The following VAC14 variants were observed in gnomAD, a reference collection of about 807,000 sequenced individuals.
The protein encoded by VAC14 is VAC14 component of PIKFYVE complex.
In VAC14, 47 loss-of-function variants were observed where a neutral mutation model predicts 85.3. The observed-to-expected ratio is 0.55, with a 90% CI of 0.44 to 0.70. VAC14 has a LOEUF of 0.70. VAC14 is among the 30% of genes least tolerant of loss of function. VAC14 has a pLI of 0.00. For missense variants in VAC14, 861 were observed against 1,004.3 expected, an observed-to-expected ratio of 0.86 and a Z score of 1.93; for synonymous variants, 447 against 430.5, an observed-to-expected ratio of 1.04 and a Z score of -0.47.
rs2033771042 is a variant in VAC14 at position 70,780,772 on chromosome 16, G to C, written c.1096+18C>G. On this transcript the variant is annotated intron_variant, in intron 9 of 18. Coordinates refer to ENST00000261776, the MANE Select transcript of VAC14 (RefSeq NM_018052.5). Reference sequence around the variant, plus strand: ...GGCCCCCGACAGGAGGTGAGGTGTAGGGACGGAGTCCACTCACCACTGGCT... The same window carrying C: ...GGCCCCCGACAGGAGGTGAGGTGTACGGACGGAGTCCACTCACCACTGGCT... The C allele has an allele frequency of 6.4e-7, 1 of 1,569,644 alleles. No individual in the cohort carries two copies. The highest frequency in any genetic ancestry group is 8.7e-7 in the Non-Finnish European group (1 of 1,155,954).
At chr16:70,705,718 C>T (rs947678683) in intron 14 of VAC14, among the ~76,000 whole-genome samples, 8 of 152,202 alleles carry the variant, frequency 5.3e-5, no homozygotes, top group African/African-American at 1.9e-4. Context: ...GGCCCCGCAA[C>T]GCTGCCCTCC....
In VAC14 at chr16:70,697,369, C is replaced by T. The variant is rs1318722559; in HGVS notation, c.1837-112G>A. The stretch of plus-strand genomic sequence containing the variant: ...GGTCTAAGTCCCAGGGGCCTTCAGT[C>T]GGGGGCAGCCAGAGCCAGCTTAGCA... On this transcript the variant is annotated intron_variant, in intron 15 of 18. Coordinates refer to ENST00000261776, the MANE Select transcript of VAC14 (RefSeq NM_018052.5). 76 of 791,594 alleles carry T rather than the reference C, an allele frequency of 9.6e-5. 1 individual carries two copies. The Admixed American group carries it at 1.3e-3, about 13-fold the overall frequency. The allele number at this position is 791,594 out of a possible 1,614,324, so 49.0% of individuals were successfully genotyped here.
chr16:70,704,026 A>G (rs1289451987), intron 14 of VAC14, among the ~76,000 whole-genome samples: 1 of 152,168 alleles, frequency 6.6e-6, no homozygotes, highest in Non-Finnish European at 1.5e-5. Flanking sequence ...CCTTCGTGTC[A>G]CTGTCCCTCC....
In VAC14 at chr16:70,763,044, G is replaced by T; in HGVS notation, c.1161-19C>A. The T allele has an allele frequency of 6.2e-7, 1 of 1,614,042 alleles. No individual in the cohort carries two copies. Among genetic ancestry groups the T allele is most frequent in the Non-Finnish European group, 8.5e-7 (1 of 1,179,980 alleles). Reference sequence around the variant, plus strand: ...TTCAGTGCTGTGGGTAAGATCGGGAGGGAGAGCAGAGGTGAAGCCCACCAT... The same window carrying T: ...TTCAGTGCTGTGGGTAAGATCGGGATGGAGAGCAGAGGTGAAGCCCACCAT... On this transcript the variant is annotated intron_variant, in intron 10 of 18. Transcript: ENST00000261776.
chr16:70,797,834 TTGCTCC>T (rs2034609120), intron 1 of VAC14, among the ~76,000 whole-genome samples: 1 of 152,216 alleles, frequency 6.6e-6, no homozygotes, highest in African/African-American at 2.4e-5. Flanking sequence ...TCACTCTCTT[TTGCTCC>T]TGCTCCCGCC....
chr16:70,723,930 C>T (rs941722346), intron 14 of VAC14, among the ~76,000 whole-genome samples: 3 of 152,186 alleles, frequency 2.0e-5, no homozygotes, highest in African/African-American at 4.8e-5. Context: ...TGGGGGTGAC[C>T]GCTGATTCAG....
intron 12 of VAC14, among the ~76,000 whole-genome samples, chr16:70,750,671 G>A (rs981116913): frequency 3.9e-5 from 6 of 152,156 alleles, no homozygotes; most frequent in South Asian, 2.1e-4. Context: ...GAGGGTGAGT[G>A]TCTGGGTGGG....
intron 13 of VAC14, among the ~76,000 whole-genome samples, chr16:70,743,700 A>G (rs1468360330): frequency 6.6e-6 from 1 of 152,214 alleles, no homozygotes; most frequent in African/African-American, 2.4e-5. Context: ...TAAATTCCGG[A>G]CACAAAAGCA....
chr16:70,767,253 C>G (rs978212894), intron 10 of VAC14, among the ~76,000 whole-genome samples: 4 of 152,140 alleles, frequency 2.6e-5, no homozygotes, highest in Non-Finnish European at 5.9e-5. Context: ...ATAATAAGTT[C>G]CAGTTGTTCT....
At chr16:70,698,979 G>T (rs1241831777) in intron 14 of VAC14, among the ~76,000 whole-genome samples, 168 bp from the exon 15 acceptor site, 1 of 152,078 alleles carries the variant, frequency 6.6e-6, no homozygotes, top group African/African-American at 2.4e-5. Context: ...GGGCGGGGAA[G>T]GGTGGGGGGA....
intron 14 of VAC14, among the ~76,000 whole-genome samples, chr16:70,709,228 C>T (rs2053980253): frequency 6.6e-6 from 1 of 152,198 alleles, no homozygotes; most frequent in African/African-American, 2.4e-5. Context: ...GCCAAAGACC[C>T]CCTTGGTCAG....
At chr16:70,690,767 G>T in intron 18 of VAC14, 1 of 985,504 alleles carries the variant, frequency 1.0e-6, no homozygotes. Flanking sequence ...GCCCCACCCT[G>T]CAATCTGACC....
chr16:70,791,981 G>A (rs1012423420), intron 1 of VAC14, among the ~76,000 whole-genome samples: 5 of 152,186 alleles, frequency 3.3e-5, no homozygotes. Context: ...CAGGAGCAAA[G>A]GGCACCATTA....
intron 1 of VAC14, among the ~76,000 whole-genome samples, chr16:70,792,582 A>C (rs1351936729): frequency 6.6e-6 from 1 of 152,210 alleles, no homozygotes; most frequent in Non-Finnish European, 1.5e-5. Flanking sequence ...CATTCCCCAG[A>C]AGATACAAGC....
At position 70,704,545 on chromosome 16, in the gene VAC14, T is replaced by C. The variant is rs529511189; in HGVS notation, c.1662-5734A>G. ...AGAAGAGGGGCTGTGCAAACACTGC[T>C]GTCTGAGGGTGCAGCTGGCTGTGGC... On this transcript the variant is annotated intron_variant, in intron 14 of 18. Transcript: ENST00000261776. 3.3e-5 allele frequency among the ~76,000 whole-genome samples: 5 copies of C among 152,322 alleles called. No individual in the cohort carries two copies. The East Asian group carries it at 9.7e-4, about 29-fold the overall frequency.
At chr16:70,694,935 G>A (rs986465422) in intron 17 of VAC14, among the ~76,000 whole-genome samples, 4 of 152,212 alleles carry the variant, frequency 2.6e-5, no homozygotes, top group East Asian at 1.9e-4. Context: ...CAGCAGACCC[G>A]GAGGGGTGGC....
At chr16:70,726,214 A>G (rs995249787) in intron 14 of VAC14, among the ~76,000 whole-genome samples, 3 of 152,246 alleles carry the variant, frequency 2.0e-5, no homozygotes, top group African/African-American at 7.2e-5. Flanking sequence ...TTCTGCCTGC[A>G]TTAGCATGGA....
intron 14 of VAC14, among the ~76,000 whole-genome samples, chr16:70,720,787 G>A (rs1224388895): frequency 1.3e-5 from 2 of 152,252 alleles, no homozygotes; most frequent in East Asian, 1.9e-4. Flanking sequence ...GGGGCTATCC[G>A]CCCATGTGGT....
At chr16:70,749,609 C>G (rs111659249) in intron 12 of VAC14, among the ~76,000 whole-genome samples, 10,197 of 152,254 alleles carry the variant, frequency 0.067, 1,117 homozygotes, top group African/African-American at 0.23. Flanking sequence ...TTAAATAAAG[C>G]AGGACCCCGA....
Sources: gnomAD v4.1 joint callset for allele counts (sites outside exome capture counted in the v4.1 genomes callset) on GRCh38, gnomAD v4.1.1 for gene constraint, MANE v1.5 for transcripts, NCBI Gene and HGNC (gene_info 2026-07-23, HGNC 2026-07-21) for gene names.